KCNQ5: variants seen among roughly 807,000 people sequenced by gnomAD.
KCNQ5 encodes potassium voltage-gated channel subfamily Q member 5.
Under a neutral mutation model 98.2 loss-of-function variants are expected in KCNQ5, and 30 were observed. The ratio of observed to expected loss-of-function variants is 0.31; its 90% CI spans 0.23 to 0.41. The LOEUF (loss-of-function observed/expected upper bound fraction) is 0.41, where lower values mean the gene tolerates loss of function less well. Ranked by LOEUF, KCNQ5 falls within the 10% of genes least tolerant of loss-of-function variation. The pLI is 1.00. For synonymous variants in KCNQ5, 458 were observed against 449.4 expected (o/e 1.02, Z -0.24); for missense variants, 835 against 1,182.5 (o/e 0.71, Z 4.31).
At chr6:72,944,640 T>C (rs1766455034) in intron 1 of KCNQ5, among the ~76,000 whole-genome samples, 1 of 152,162 alleles carries the variant, frequency 6.6e-6, no homozygotes, top group South Asian at 2.1e-4. Context: ...CAGGAAGATG[T>C]TTACACAGCC....
intron 1 of KCNQ5, among the ~76,000 whole-genome samples, chr6:72,824,749 C>A (rs1332067919): frequency 1.3e-5 from 2 of 151,870 alleles, no homozygotes; most frequent in Non-Finnish European, 2.9e-5. Flanking sequence ...CAAGCCAAAA[C>A]CTACATTTAG....
chr6:73,130,679 T>G (rs958791641), intron 9 of KCNQ5, among the ~76,000 whole-genome samples: 12 of 152,194 alleles, frequency 7.9e-5, no homozygotes, highest in Admixed American at 6.5e-5. Context: ...GTGTTTTCAG[T>G]AACAGTCACC....
intron 1 of KCNQ5, among the ~76,000 whole-genome samples, chr6:72,883,273 A>G (rs1370300722): frequency 1.3e-5 from 2 of 152,208 alleles, no homozygotes; most frequent in Non-Finnish European, 2.9e-5. Context: ...TTTGTAGAGT[A>G]GTAGTTGATG....
chr6:72,819,079 G>A (rs974794361), intron 1 of KCNQ5, among the ~76,000 whole-genome samples: 2 of 151,874 alleles, frequency 1.3e-5, no homozygotes, highest in African/African-American at 4.8e-5. Flanking sequence ...TGCACTAGAT[G>A]TAGGGAATTA....
chr6:72,897,820 T>A (rs1242668836), intron 1 of KCNQ5, among the ~76,000 whole-genome samples: 1 of 152,034 alleles, frequency 6.6e-6, no homozygotes, highest in African/African-American at 2.4e-5. Flanking sequence ...AAGGGAAATA[T>A]TTCTGAAACT....
intron 5 of KCNQ5, among the ~76,000 whole-genome samples, chr6:73,083,884 A>G (rs1773876903): frequency 6.6e-6 from 1 of 152,230 alleles, no homozygotes; most frequent in Non-Finnish European, 1.5e-5. Context: ...TATGCAGAGT[A>G]AAAGTCTGAT....
At chr6:72,633,093 G>C (rs1295712277) in intron 1 of KCNQ5, among the ~76,000 whole-genome samples, 1 of 152,150 alleles carries the variant, frequency 6.6e-6, no homozygotes, top group African/African-American at 2.4e-5. Context: ...ACCAGCATCT[G>C]TTGTTTTTTG....
Position 73,116,390 on chromosome 6 carries a change from C to T in KCNQ5, c.1126-4093C>T, listed in dbSNP as rs141789926. 2.3e-3 allele frequency among the ~76,000 whole-genome samples: 352 copies of T among 152,172 alleles called. 1 individual carries two copies. Among genetic ancestry groups the T allele is most frequent in the African/African-American group, 7.8e-3 (323 of 41,530 alleles). ...TTAAAAATAAGCATTCTTGGCTGGA[C>T]GCAAGTGGCTCATGCCTGCAACCCC... On this transcript the variant is annotated intron_variant, in intron 7 of 13. Coordinates refer to ENST00000370398, the MANE Select transcript of KCNQ5 (RefSeq NM_019842.4).
chr6:72,872,300 T>A (rs1778242470), intron 1 of KCNQ5, among the ~76,000 whole-genome samples: 1 of 152,206 alleles, frequency 6.6e-6, no homozygotes. Context: ...ATCTCTGTTA[T>A]AATGTCACTT....
chr6:72,763,231 A>G (rs1772378190), intron 1 of KCNQ5, among the ~76,000 whole-genome samples: 1 of 151,988 alleles, frequency 6.6e-6, no homozygotes, highest in South Asian at 2.1e-4. Context: ...AATGGTATTA[A>G]CAAGCCTTAC....
intron 10 of KCNQ5, among the ~76,000 whole-genome samples, chr6:73,166,440 TAA>T (rs5877356): frequency 0.016 from 2,214 of 138,790 alleles, 55 homozygotes; most frequent in African/African-American, 0.054. Context: ...TGTCTCAAAA[TAA>T]AAAAAAAAAA....
chr6:72,953,564 A>G (rs139172333), intron 1 of KCNQ5, among the ~76,000 whole-genome samples: 7 of 152,306 alleles, frequency 4.6e-5, no homozygotes, highest in African/African-American at 1.7e-4. Flanking sequence ...CCCACAGAAT[A>G]AGAGCTCCTC....
At chr6:73,081,343 T>C (rs989506759) in intron 5 of KCNQ5, among the ~76,000 whole-genome samples, 1 of 152,194 alleles carries the variant, frequency 6.6e-6, no homozygotes, top group African/African-American at 2.4e-5. Flanking sequence ...TCATTTTCTA[T>C]TGTTATTTTT....
intron 10 of KCNQ5, among the ~76,000 whole-genome samples, chr6:73,164,796 A>G (rs1182632370): frequency 1.3e-5 from 2 of 152,204 alleles, no homozygotes; most frequent in Non-Finnish European, 2.9e-5. Context: ...TTTCAAATAC[A>G]GAAATTATTA....
At chr6:72,869,119 T>C (rs1445308310) in intron 1 of KCNQ5, among the ~76,000 whole-genome samples, 1 of 152,230 alleles carries the variant, frequency 6.6e-6, no homozygotes, top group African/African-American at 2.4e-5. Flanking sequence ...ACACATATTA[T>C]ATGTGCCCAT....
intron 1 of KCNQ5, among the ~76,000 whole-genome samples, chr6:72,863,450 G>C (rs942526439): frequency 6.6e-6 from 1 of 152,088 alleles, no homozygotes. Context: ...TCCATTTTCA[G>C]ATTCCTGTTT....
chr6:72,800,999 T>C (rs935654150), intron 1 of KCNQ5, among the ~76,000 whole-genome samples: 2 of 152,086 alleles, frequency 1.3e-5, no homozygotes, highest in African/African-American at 4.8e-5. Flanking sequence ...GACAGTTTGT[T>C]ATAATTTCTG....
chr6:72,702,089 A>G (rs886482165), intron 1 of KCNQ5, among the ~76,000 whole-genome samples: 1 of 152,208 alleles, frequency 6.6e-6, no homozygotes, highest in African/African-American at 2.4e-5. Flanking sequence ...ATGCTCAACT[A>G]AATTGTTACA....
intron 1 of KCNQ5, among the ~76,000 whole-genome samples, chr6:72,915,652 T>G (rs544389358): frequency 6.6e-6 from 1 of 152,290 alleles, no homozygotes; most frequent in East Asian, 1.9e-4. Flanking sequence ...GCAGACTTTT[T>G]CCTGTGTCAT....
Sources: allele counts gnomAD v4.1 joint callset (sites outside exome capture counted in the v4.1 genomes callset), GRCh38; gene constraint gnomAD v4.1.1; transcripts MANE v1.5; gene names NCBI Gene and HGNC (gene_info 2026-07-23, HGNC 2026-07-21).